Variants in ADAMTS6 observed in about 807,000 individuals in gnomAD.
ADAMTS6 encodes the protein A disintegrin and metalloproteinase with thrombospondin motifs 6.
A neutral mutation model predicts 144.3 loss-of-function variants in ADAMTS6; 23 were observed. The observed-to-expected ratio is 0.16, with a 90% CI of 0.11 to 0.23. The LOEUF (loss-of-function observed/expected upper bound fraction) is 0.23. Ranked by LOEUF, ADAMTS6 falls within the 10% of genes least tolerant of loss-of-function variation. The pLI is 1.00. For synonymous variants in ADAMTS6, 444 were observed against 457.5 expected (o/e 0.97, Z 0.38); for missense variants, 999 against 1,379.6 (o/e 0.72, Z 4.37).
intron 9 of ADAMTS6, among the ~76,000 whole-genome samples, chr5:65,322,858 G>A (rs966929444): frequency 1.2e-4 from 18 of 151,976 alleles, no homozygotes; most frequent in Non-Finnish European, 2.1e-4. Context: ...CTTCCTATTC[G>A]AATGCCGTTT....
intron 7 of ADAMTS6, among the ~76,000 whole-genome samples, chr5:65,376,973 G>A (rs1194317688): frequency 2.0e-5 from 3 of 151,786 alleles, no homozygotes; most frequent in Non-Finnish European, 4.4e-5. Flanking sequence ...TTTAACAGTC[G>A]AAAAAGGGGT....
intron 7 of ADAMTS6, among the ~76,000 whole-genome samples, chr5:65,392,854 GA>G (rs570632055): frequency 2.6e-5 from 4 of 152,092 alleles, no homozygotes; most frequent in Non-Finnish European, 5.9e-5. Context: ...ACAGCTATCT[GA>G]GACATGATAA....
At chr5:65,224,183 A>G (rs1757545495) in intron 18 of ADAMTS6, 137 bp downstream of exon 18, 1 of 690,314 alleles carries the variant, frequency 1.4e-6, no homozygotes, top group African/African-American at 1.8e-5. Flanking sequence ...TATGTGTTCT[A>G]TAAAACTTAG....
At chr5:65,395,705 C>T (rs1337342977) in intron 7 of ADAMTS6, among the ~76,000 whole-genome samples, 1 of 152,192 alleles carries the variant, frequency 6.6e-6, no homozygotes, top group African/African-American at 2.4e-5. Flanking sequence ...ATATCCTGTA[C>T]TTAATGGGCT....
intron 7 of ADAMTS6, among the ~76,000 whole-genome samples, chr5:65,352,807 G>A (rs190241628): frequency 7.6e-4 from 116 of 152,044 alleles, no homozygotes; most frequent in African/African-American, 2.7e-3. Context: ...GCCATCCTCA[G>A]TTGAAAAGTA....
intron 7 of ADAMTS6, among the ~76,000 whole-genome samples, chr5:65,427,689 T>C (rs1256440509): frequency 1.3e-5 from 2 of 151,490 alleles, no homozygotes; most frequent in African/African-American, 4.8e-5. Flanking sequence ...TCCCAGCTAC[T>C]TGGGAGGCTG....
At chr5:65,415,656 G>A in intron 7 of ADAMTS6, 1 of 278,718 alleles carries the variant, frequency 3.6e-6, no homozygotes, top group South Asian at 3.6e-5. Context: ...TCAAGGATGA[G>A]GTTTTGAAGA....
chr5:65,375,137 G>A (rs1006377344), intron 7 of ADAMTS6, among the ~76,000 whole-genome samples: 1 of 152,134 alleles, frequency 6.6e-6, no homozygotes, highest in Admixed American at 6.5e-5. Context: ...TTAAACGTTA[G>A]ACCTAAAACC....
At chr5:65,276,134 T>C (rs1200935964) in intron 11 of ADAMTS6, among the ~76,000 whole-genome samples, 1 of 152,196 alleles carries the variant, frequency 6.6e-6, no homozygotes, top group Non-Finnish European at 1.5e-5. Context: ...CTACCCAAAG[T>C]AGCAGGTGCT....
intron 7 of ADAMTS6, among the ~76,000 whole-genome samples, chr5:65,428,365 T>C (rs1756730800): frequency 6.6e-6 from 1 of 152,174 alleles, no homozygotes; most frequent in Non-Finnish European, 1.5e-5. Flanking sequence ...ATGGATTCAA[T>C]TGTTGCCTCT....
intron 1 of ADAMTS6, among the ~76,000 whole-genome samples, chr5:65,477,214 T>A (rs1256312159): frequency 6.6e-6 from 1 of 152,224 alleles, no homozygotes; most frequent in Non-Finnish European, 1.5e-5. Flanking sequence ...ATTGTTTTAA[T>A]TTTTTTAGAT....
chr5:65,164,167 GGTGCGCGCACC>G (rs1579929249), intron 24 of ADAMTS6, among the ~76,000 whole-genome samples: 4 of 152,008 alleles, frequency 2.6e-5, no homozygotes, highest in Admixed American at 1.3e-4. Context: ...CAGGCCAGTG[GGTGCGCGCACC>G]GTGCGCGAGC....
chr5:65,366,343 C>T (rs758205994), intron 7 of ADAMTS6, among the ~76,000 whole-genome samples: 3 of 151,850 alleles, frequency 2.0e-5, no homozygotes, highest in Non-Finnish European at 4.4e-5. Flanking sequence ...ATTTTCATTC[C>T]GACAATGTCT....
At chr5:65,474,796 C>CA (rs11330695) in intron 1 of ADAMTS6, among the ~76,000 whole-genome samples, 29,635 of 78,514 alleles carry the variant, frequency 0.38, 4,835 homozygotes, top group Non-Finnish European at 0.4. Flanking sequence ...AAACTGTGAC[C>CA]AAAAAAAAAA....
chr5:65,435,286 A>G (rs916240953), intron 7 of ADAMTS6, among the ~76,000 whole-genome samples: 2 of 152,200 alleles, frequency 1.3e-5, no homozygotes, highest in African/African-American at 2.4e-5. Context: ...CAAATTCAGG[A>G]TAGTGGTTAC....
At chr5:65,397,873 T>G in intron 7 of ADAMTS6, among the ~76,000 whole-genome samples, 1 of 127,298 alleles carries the variant, frequency 7.9e-6, no homozygotes, top group African/African-American at 3.1e-5. Context: ...TAAGACCCTG[T>G]CTTAAAAAAA....
At chr5:65,242,930 T>A (rs530223919) in intron 14 of ADAMTS6, among the ~76,000 whole-genome samples, 1 of 152,266 alleles carries the variant, frequency 6.6e-6, no homozygotes, top group Non-Finnish European at 1.5e-5. Flanking sequence ...GTTCCTTCTA[T>A]TCAGAAATGC....
At chr5:65,194,718 A>G (rs188797715) in intron 21 of ADAMTS6, among the ~76,000 whole-genome samples, 1 of 152,168 alleles carries the variant, frequency 6.6e-6, no homozygotes, top group Non-Finnish European at 1.5e-5. Flanking sequence ...TTTAAAAAAA[A>G]CCCATCAGAC....
At chr5:65,314,212 A>G (rs561826840) in intron 9 of ADAMTS6, among the ~76,000 whole-genome samples, 5 of 152,316 alleles carry the variant, frequency 3.3e-5, no homozygotes, top group African/African-American at 1.2e-4. Context: ...GATATCTGAA[A>G]TGATGAATGT....
Sources: gnomAD v4.1 joint callset for allele counts (sites outside exome capture counted in the v4.1 genomes callset) on GRCh38, gnomAD v4.1.1 for gene constraint, MANE v1.5 for transcripts, NCBI Gene and HGNC (gene_info 2026-07-23, HGNC 2026-07-21) for gene names.